The following TTC28 variants were observed in gnomAD, a reference collection of about 807,000 sequenced individuals.
The protein encoded by TTC28 is tetratricopeptide repeat protein 28.
In TTC28, 61 loss-of-function variants were observed where a neutral mutation model predicts 198.0. The ratio of observed to expected loss-of-function variants is 0.31; its 90% CI spans 0.25 to 0.38. The LOEUF is 0.38. Ranked by LOEUF, TTC28 falls within the 10% of genes least tolerant of loss-of-function variation. The pLI is 1.00. For synonymous variants in TTC28, 1,171 were observed against 1,297.8 expected, an observed-to-expected ratio of 0.90 and a Z score of 2.10; for missense variants, 2,678 against 3,164.0, an observed-to-expected ratio of 0.85 and a Z score of 3.69.
chr22:28,413,417 T>TA (rs2047117353), intron 2 of TTC28, among the ~76,000 whole-genome samples: 1 of 151,958 alleles, frequency 6.6e-6, no homozygotes, highest in East Asian at 1.9e-4. Context: ...GACTCTGTCT[T>TA]AAAATTAAAA....
Position 28,416,208 on chromosome 22 carries a change from C to T in TTC28, c.382-109565G>A, listed in dbSNP as rs185542642. ...ATTCAAGAGTCTTATGCTCCCACCT[C>T]TGGTTCCATTAACTTCAGTGTACAC... On this transcript the variant is annotated intron_variant, in intron 2 of 22. Transcript: ENST00000397906. 3.7e-3 allele frequency among the ~76,000 whole-genome samples: 568 copies of T among 152,306 alleles called. 3 individuals are homozygous for T. Among genetic ancestry groups the T allele is most frequent in the Non-Finnish European group, 6.2e-3 (425 of 68,034 alleles).
chr22:28,107,432 T>C lies in TTC28; in HGVS notation c.2413A>G (p.Met805Val). The C allele has an allele frequency of 1.3e-6, 2 of 1,551,766 alleles. No homozygotes were observed. The highest frequency in any genetic ancestry group is 1.7e-6 in the Non-Finnish European group (2 of 1,147,028). Residue 805 changes from methionine (M) to valine (V), a missense_variant, in exon 7 of 23, where the codon ATG becomes GTG. Physicochemically the swap from Met to Val is conservative, Grantham distance 21. This residue lies in a region of TTC28 where 775 missense variants were observed against 845.9 expected (regional missense o/e 0.92). Transcript: ENST00000397906. ...RAHGHLAAVY[M>V]ALGKYTMAFK... ...GCCATTGTGTATTTCCCAAGGGCCATGTAGACAGCAGCCAGGTGCCCATGA... is the reference window on the plus strand; with the variant it reads ...GCCATTGTGTATTTCCCAAGGGCCACGTAGACAGCAGCCAGGTGCCCATGA...
At chr22:28,386,398 A>G (rs73882741) in intron 2 of TTC28, among the ~76,000 whole-genome samples, 1,679 of 150,992 alleles carry the variant, frequency 0.011, 29 homozygotes, top group African/African-American at 0.039. Context: ...CTGCTCTCTC[A>G]TGATGGGCAG....
intron 1 of TTC28, among the ~76,000 whole-genome samples, chr22:28,676,101 GA>G (rs141637376): frequency 0.14 from 20,696 of 149,982 alleles, 1,647 homozygotes; most frequent in African/African-American, 0.2. Flanking sequence ...CCGAAAATTG[GA>G]AAAAAAAACT....
intron 5 of TTC28, among the ~76,000 whole-genome samples, chr22:28,290,566 CA>C (rs1472296894): frequency 1.3e-5 from 2 of 152,088 alleles, no homozygotes; most frequent in African/African-American, 4.8e-5. Context: ...CATGACAAAA[CA>C]TGCAAGATGA....
rs1368196548 is a variant in TTC28, at chr22:28,005,843, GT to G, written c.4219-4291del. Among the ~76,000 whole-genome samples, 2 of 152,180 alleles carry G rather than the reference GT, an allele frequency of 1.3e-5. No individual in the cohort carries two copies. The highest frequency in any genetic ancestry group is 4.8e-5 in the African/African-American group (2 of 41,440). On this transcript the variant is annotated intron_variant, in intron 14 of 22. Coordinates refer to ENST00000397906, the MANE Select transcript of TTC28 (RefSeq NM_001145418.2). This position sits in a 1 kb window ranked among gnomAD's most constrained non-coding sequence, Gnocchi z 4.9. ...GGCCAAACAGTGGACATATCTCTGT[GT>G]CCTGTGGGCTGAATCACACCTCCTC...
intron 1 of TTC28, among the ~76,000 whole-genome samples, chr22:28,661,961 G>T (rs1416637732): frequency 6.6e-6 from 1 of 152,084 alleles, no homozygotes; most frequent in Non-Finnish European, 1.5e-5. Context: ...GGCTGGTCTT[G>T]AACTCCTGAC....
At chr22:28,399,385 T>A (rs1361661566) in intron 2 of TTC28, among the ~76,000 whole-genome samples, 1 of 144,848 alleles carries the variant, frequency 6.9e-6, no homozygotes, top group Non-Finnish European at 1.5e-5. Context: ...GGCACAGTCA[T>A]AGCTCGTTGC....
chr22:28,292,770 T>G (rs974990112), intron 5 of TTC28, among the ~76,000 whole-genome samples: 1 of 152,188 alleles, frequency 6.6e-6, no homozygotes, highest in African/African-American at 2.4e-5. Context: ...CATTCATCAT[T>G]TATTGCTGAA....
At chr22:28,353,686 T>C (rs1465029417) in intron 2 of TTC28, among the ~76,000 whole-genome samples, 2 of 152,074 alleles carry the variant, frequency 1.3e-5, no homozygotes, top group African/African-American at 2.4e-5. Flanking sequence ...TTATACTATA[T>C]ATAAAAACTC....
At chr22:28,194,222 C>CT (rs1369018816) in intron 5 of TTC28, among the ~76,000 whole-genome samples, 6 of 152,154 alleles carry the variant, frequency 3.9e-5, no homozygotes. Flanking sequence ...TAAAGATGTT[C>CT]TTTGAAACCA....
At chr22:28,589,596 T>C (rs1460698193) in intron 2 of TTC28, among the ~76,000 whole-genome samples, 2 of 152,222 alleles carry the variant, frequency 1.3e-5, no homozygotes, top group African/African-American at 4.8e-5. Flanking sequence ...GAGGGTTGCC[T>C]GGTTGTGAGT....
At chr22:27,992,519 A>G in intron 19 of TTC28, 68 bp downstream of exon 19, 2 of 1,503,990 alleles carry the variant, frequency 1.3e-6, no homozygotes, top group African/African-American at 2.8e-5. Flanking sequence ...ATTTAGGGCC[A>G]AGTTGCTCTG....
At chr22:28,036,922 G>T (rs1300779455) in intron 12 of TTC28, among the ~76,000 whole-genome samples, 1 of 152,208 alleles carries the variant, frequency 6.6e-6, no homozygotes, top group Non-Finnish European at 1.5e-5. Flanking sequence ...AAATCTAGAA[G>T]AAATGGATAA....
At chr22:28,204,699 G>C (rs1926252341) in intron 5 of TTC28, among the ~76,000 whole-genome samples, 1 of 151,944 alleles carries the variant, frequency 6.6e-6, no homozygotes. Flanking sequence ...CTTAATCTTT[G>C]CCACAGATTC....
At chr22:28,413,519 ATTGTT>A (rs894530184) in intron 2 of TTC28, among the ~76,000 whole-genome samples, 4 of 152,168 alleles carry the variant, frequency 2.6e-5, no homozygotes, top group African/African-American at 4.8e-5. Context: ...ATTGGATTTT[ATTGTT>A]TAAATGTTGC....
chr22:27,982,162 A>G lies in TTC28; in HGVS notation c.*59T>C. On this transcript the variant is annotated 3_prime_UTR_variant, in exon 23 of 23. Coordinates refer to ENST00000397906, the MANE Select transcript of TTC28 (RefSeq NM_001145418.2). This position sits in a 1 kb window ranked among gnomAD's most constrained non-coding sequence, Gnocchi z 5.2. ...GGGGACTGCACTCAGGGAAGGGCTG[A>G]AGCAAACGCCAGGCCCCCATCTGCA... 1 of 1,443,442 alleles carries G rather than the reference A, an allele frequency of 6.9e-7. No individual in the cohort carries two copies. Among genetic ancestry groups the G allele is most frequent in the Non-Finnish European group, 9.1e-7 (1 of 1,093,788 alleles). 89.4% of individuals were successfully genotyped at this position (1,443,442 alleles called of 1,614,324 possible).
At chr22:28,291,178 G>A (rs1457874788) in intron 5 of TTC28, among the ~76,000 whole-genome samples, 1 of 151,960 alleles carries the variant, frequency 6.6e-6, no homozygotes, top group African/African-American at 2.4e-5. Flanking sequence ...GTTCATTTAT[G>A]GGGCAAGGGG....
At chr22:28,086,837 C>G (rs375074237) in intron 12 of TTC28, among the ~76,000 whole-genome samples, 2 of 151,996 alleles carry the variant, frequency 1.3e-5, no homozygotes, top group South Asian at 2.1e-4. Context: ...ATATCACCAC[C>G]GATCCCACAG....
Sources: gnomAD v4.1 joint callset for allele counts (sites outside exome capture counted in the v4.1 genomes callset) on GRCh38, gnomAD v4.1.1 for gene constraint, gnomAD v4.1.1 regional missense constraint, Gnocchi (gnomAD v3.1) non-coding constraint, MANE v1.5 for transcripts, NCBI Gene and HGNC (gene_info 2026-07-23, HGNC 2026-07-21) for gene names.